The following KHDRBS1 variants were observed in gnomAD, a reference collection of about 807,000 sequenced individuals.
The protein encoded by KHDRBS1 is KH domain-containing, RNA-binding, signal transduction-associated protein 1.
Under a neutral mutation model 48.4 loss-of-function variants are expected in KHDRBS1, and 7 were observed. That is an observed-to-expected ratio of 0.14 (90% CI 0.08 to 0.27). KHDRBS1 has a LOEUF of 0.27. KHDRBS1 is among the 10% of genes least tolerant of loss of function. The pLI is 1.00. For synonymous variants in KHDRBS1, 241 were observed against 235.8 expected, an observed-to-expected ratio of 1.02 and a Z score of -0.20; for missense variants, 458 against 601.2, an observed-to-expected ratio of 0.76 and a Z score of 2.49.
intron 8 of KHDRBS1, among the ~76,000 whole-genome samples, chr1:32,039,874 A>T (rs1639250343): frequency 6.6e-6 from 1 of 151,392 alleles, no homozygotes; most frequent in Non-Finnish European, 1.5e-5. Context: ...AGCTAATGTT[A>T]TTTTTTTTCT....
At chr1:32,037,093 T>C in intron 5 of KHDRBS1, 50 bp downstream of exon 5, 1 of 1,590,926 alleles carries the variant, frequency 6.3e-7, no homozygotes, top group South Asian at 1.1e-5. Flanking sequence ...TGACTACTAG[T>C]GTCATCTCTT....
downstream of KHDRBS1, among the ~76,000 whole-genome samples, chr1:32,047,541 C>T (rs1210456991): frequency 6.6e-6 from 1 of 152,146 alleles, no homozygotes; most frequent in African/African-American, 2.4e-5. Flanking sequence ...TTCATGTGAG[C>T]CTTTGTCACC....
At chr1:32,032,523 CAA>C (rs1022378565) in intron 3 of KHDRBS1, among the ~76,000 whole-genome samples, 1 of 152,086 alleles carries the variant, frequency 6.6e-6, no homozygotes, top group African/African-American at 2.4e-5. Context: ...GATTTAAAAA[CAA>C]ATGCTTGGCA....
At chr1:32,060,528 C>T (rs891179146) in exon 11 of KHDRBS1, 2 of 152,050 alleles carry the variant, frequency 1.3e-5, no homozygotes, top group Non-Finnish European at 2.9e-5. Context: ...TTGGCTGAAA[C>T]ACCCTACCAC....
intron 1 of KHDRBS1, among the ~76,000 whole-genome samples, chr1:32,017,569 C>T (rs998069629): frequency 1.4e-5 from 2 of 141,010 alleles, no homozygotes; most frequent in South Asian, 2.3e-4. Context: ...AAGTAAAATG[C>T]TGTTGTATAG....
At chr1:32,044,393 T>TG (rs1639333642), downstream of KHDRBS1, among the ~76,000 whole-genome samples, 1 of 152,216 alleles carries the variant, frequency 6.6e-6, no homozygotes, top group Admixed American at 6.5e-5. Context: ...TCAGCTGGGC[T>TG]GGGGCAGGAT....
Position 32,055,202 on chromosome 1 carries a change from C to T in KHDRBS1, n.1302-4961C>T, listed in dbSNP as rs183969030. Among the ~76,000 whole-genome samples the T allele has an allele frequency of 5.0e-3, 766 of 152,242 alleles. 6 individuals carry two copies. Among genetic ancestry groups the T allele is most frequent in the African/African-American group, 0.018 (740 of 41,542 alleles). ...CGGTGGGTCACGCCGGTAATCCCAG[C>T]ACTTTGGGAAGCCAAGGCGGGCGGA... is the stretch of plus-strand genomic sequence containing the variant. On this transcript the variant is annotated intron_variant and non_coding_transcript_variant, in intron 10 of 10. Coordinates refer to the KHDRBS1 transcript ENST00000484270.
intron 1 of KHDRBS1, among the ~76,000 whole-genome samples, chr1:32,021,121 TAA>T (rs897184968): frequency 1.3e-5 from 2 of 149,108 alleles, no homozygotes; most frequent in African/African-American, 4.9e-5. Flanking sequence ...GCCTTAAAAT[TAA>T]AAAAAAAAAT....
Position 32,031,615 on chromosome 1 carries a change from A to T in KHDRBS1, c.599A>T (p.Lys200Met). The T allele has an allele frequency of 1.2e-6, 2 of 1,611,224 alleles. No individual in the cohort carries two copies. The highest frequency in any genetic ancestry group is 1.7e-6 in the Non-Finnish European group (2 of 1,178,640). ...ETGAKISVLGKGSMRDKAKEE... is the reference protein window; with the variant it reads ...ETGAKISVLGMGSMRDKAKEE... Reference sequence around the variant, plus strand: ...GGTGCAAAGATCTCTGTATTGGGAAAGGGCTCAATGAGAGACAAAGCCAAG... The same window carrying T: ...GGTGCAAAGATCTCTGTATTGGGAATGGGCTCAATGAGAGACAAAGCCAAG... Residue 200 changes from lysine to methionine, a missense_variant, in exon 3 of 9, where the codon AAG becomes ATG. Physicochemically the swap from Lys to Met is moderately conservative, Grantham distance 95. This residue lies in a region of KHDRBS1 where 74 missense variants were observed against 156.9 expected (regional missense o/e 0.47). Coordinates refer to ENST00000327300, the MANE Select transcript of KHDRBS1 (RefSeq NM_006559.3).
At chr1:32,026,503 C>T (rs950257586) in intron 1 of KHDRBS1, among the ~76,000 whole-genome samples, 2 of 152,038 alleles carry the variant, frequency 1.3e-5, no homozygotes, top group African/African-American at 4.8e-5. Context: ...CAGAAGGATT[C>T]TAAGATCTGA....
intron 10 of KHDRBS1, among the ~76,000 whole-genome samples, chr1:32,051,454 G>T (rs989415458): frequency 7.2e-5 from 11 of 152,190 alleles, no homozygotes; most frequent in Admixed American, 2.0e-4. Flanking sequence ...ATAGAGCTAG[G>T]ATTTGATCCC....
Position 32,014,278 on chromosome 1 carries a change from G to T in KHDRBS1, c.283G>T (p.Val95Phe). 1 of 1,552,708 alleles carries T rather than the reference G, an allele frequency of 6.4e-7. No homozygotes were observed. Among genetic ancestry groups the T allele is most frequent in the East Asian group, 2.5e-5 (1 of 39,882 alleles). ...GCTGCCCCCCTCGGCCACAGCCTCG[G>T]TCAAGATGGAGCCAGAGAACAAGTA... ...PLLPPSATAS[V>F]KMEPENKYLP... is the part of the protein sequence containing the mutation. The change falls in exon 1 of 9, where the codon GTC becomes TTC. Residue 95 changes from valine to phenylalanine, a missense_variant. Around this residue, in one of 3 missense-constraint regions of KHDRBS1, gnomAD observed 213 missense variants for 215.6 expected, o/e 0.99. Transcript: ENST00000327300.
rs1405909995 is a variant in KHDRBS1, at chr1:32,054,840, C to G, written n.1302-5323C>G. ...TTATGTGTGCCCCAAGGCAGTTATT[C>G]CAGTGTGGCCTAGGGAAGCCAAAAG... On this transcript the variant is annotated intron_variant and non_coding_transcript_variant, in intron 10 of 10. Transcript: ENST00000484270. Among the ~76,000 whole-genome samples, 4 of 152,176 alleles carry G rather than the reference C, an allele frequency of 2.6e-5. No homozygotes were observed. The South Asian group carries it at 6.2e-4, about 24-fold the overall frequency.
In KHDRBS1 at chr1:32,040,180, G is replaced by A. The variant is rs534093313; in HGVS notation, c.1234+607G>A. Among the ~76,000 whole-genome samples the A allele has an allele frequency of 5.4e-3, 822 of 152,198 alleles. 10 individuals are homozygous for A. Among genetic ancestry groups the A allele is most frequent in the African/African-American group, 0.019 (788 of 41,542 alleles). ...TGTAATCCCAACACTTTGCGAGGCC[G>A]AGGCAGGCGGATCACCTGTGGTCAG... On this transcript the variant is annotated intron_variant, in intron 8 of 8. Transcript: ENST00000327300.
chr1:32,031,594 C>T lies in KHDRBS1; in HGVS notation c.578C>T (p.Ala193Val). The T allele has an allele frequency of 6.2e-7, 1 of 1,612,132 alleles. No homozygotes were observed. Among genetic ancestry groups the T allele is most frequent in the East Asian group, 2.2e-5 (1 of 44,768 alleles). ...AAAAGACTGCAGGAAGAGACTGGTGCAAAGATCTCTGTATTGGGAAAGGGC... is the reference window on the plus strand; with the variant it reads ...AAAAGACTGCAGGAAGAGACTGGTGTAAAGATCTCTGTATTGGGAAAGGGC... ...TIKRLQEETGAKISVLGKGSM... is the reference protein window; with the variant it reads ...TIKRLQEETGVKISVLGKGSM... The change falls in exon 3 of 9, where the codon GCA becomes GTA. Residue 193 changes from alanine to valine, a missense_variant. Ala to Val is a moderately conservative substitution (Grantham distance 64). Transcript: ENST00000327300.
chr1:32,046,756 T>G (rs958420566), downstream of KHDRBS1, among the ~76,000 whole-genome samples: 22 of 152,182 alleles, frequency 1.4e-4, no homozygotes, highest in African/African-American at 5.3e-4. Context: ...ATATAGAACC[T>G]TTCACAGTGA....
At chr1:32,041,918 C>A (rs1409608025) in intron 8 of KHDRBS1, among the ~76,000 whole-genome samples, 1 of 152,152 alleles carries the variant, frequency 6.6e-6, no homozygotes, top group African/African-American at 2.4e-5. Flanking sequence ...GCTGTCAGTG[C>A]AACATTTGAT....
chr1:32,014,249 C>A lies in KHDRBS1; in HGVS notation c.254C>A (p.Pro85Gln). Residue 85 changes from proline to glutamine, a missense_variant, in exon 1 of 9, where the codon CCG becomes CAG. Transcript: ENST00000327300. Reference sequence around the variant, plus strand: ...ACAGTGGGCGGGCCAGCGCCGACCCCGCTGCTGCCCCCCTCGGCCACAGCC... The same window carrying A: ...ACAGTGGGCGGGCCAGCGCCGACCCAGCTGCTGCCCCCCTCGGCCACAGCC... ...DATVGGPAPT[P>Q]LLPPSATASV... 6.5e-7 allele frequency: 1 copy of A among 1,535,128 alleles called. No individual in the cohort carries two copies. Among genetic ancestry groups the A allele is most frequent in the Admixed American group, 2.0e-5 (1 of 49,870 alleles).
chr1:32,057,489 T>C (rs886764010), intron 10 of KHDRBS1, among the ~76,000 whole-genome samples: 14 of 151,304 alleles, frequency 9.3e-5, no homozygotes, highest in Admixed American at 5.3e-4. Context: ...TCTTTTCTTT[T>C]TTTTTTTTTT....
Sources: allele counts gnomAD v4.1 joint callset (sites outside exome capture counted in the v4.1 genomes callset), GRCh38; gene constraint gnomAD v4.1.1; regional missense constraint gnomAD v4.1.1; transcripts MANE v1.5; gene names NCBI Gene and HGNC (gene_info 2026-07-23, HGNC 2026-07-21).